The following CLASP1 variants were observed in gnomAD, a reference collection of about 807,000 sequenced individuals.
CLASP1 encodes cytoplasmic linker associated protein 1, also known as CLIP-associating protein 1.
Under a neutral mutation model 192.3 loss-of-function variants are expected in CLASP1, and 38 were observed. The ratio of observed to expected loss-of-function variants is 0.20; its 90% confidence interval spans 0.15 to 0.26. The LOEUF (loss-of-function observed/expected upper bound fraction) is 0.26. Ranked by LOEUF, CLASP1 falls within the 10% of genes least tolerant of loss-of-function variation. The pLI is 1.00. For missense variants in CLASP1, 1,433 were observed against 1,932.5 expected (o/e 0.74, Z 4.85); for synonymous variants, 691 against 712.8 (o/e 0.97, Z 0.49).
chr2:121,439,884 T>C (rs2082980451), intron 19 of CLASP1, among the ~76,000 whole-genome samples: 1 of 134,042 alleles, frequency 7.5e-6, no homozygotes, highest in Non-Finnish European at 1.5e-5. Flanking sequence ...AACTGAACAA[T>C]GAGATCACAT....
chr2:121,649,412 G>A (rs1452379592), exon 1 of CLASP1: 1 of 149,988 alleles, frequency 6.7e-6, no homozygotes, highest in Non-Finnish European at 1.5e-5. Context: ...GGACCAGAGA[G>A]CCGCCGCCTT....
chr2:121,535,207 C>G (rs1254348923), intron 2 of CLASP1, among the ~76,000 whole-genome samples: 1 of 152,206 alleles, frequency 6.6e-6, no homozygotes, highest in Non-Finnish European at 1.5e-5. Flanking sequence ...TCACTTGAGC[C>G]TGGGAGGCGG....
At chr2:121,629,724 G>A (rs887678072) in intron 1 of CLASP1, among the ~76,000 whole-genome samples, 11 of 152,028 alleles carry the variant, frequency 7.2e-5, no homozygotes, top group African/African-American at 2.7e-4. Flanking sequence ...CTGGGAGACA[G>A]AGGTTGCAGT....
chr2:121,401,750 C>G, intron 27 of CLASP1, 78 bp from the exon 29 acceptor site: 1 of 1,234,660 alleles, frequency 8.1e-7, no homozygotes, highest in South Asian at 1.2e-5. Context: ...ATTAAAAATG[C>G]CCATACGTGC....
chr2:121,412,709 T>C (rs1418249647), intron 23 of CLASP1, among the ~76,000 whole-genome samples: 1 of 152,226 alleles, frequency 6.6e-6, no homozygotes, highest in Non-Finnish European at 1.5e-5. Context: ...GCTTCCAAGA[T>C]GCATACAGCT....
intron 8 of CLASP1, among the ~76,000 whole-genome samples, chr2:121,478,927 A>C (rs2092261905): frequency 1.1e-4 from 4 of 34,846 alleles, no homozygotes; most frequent in Admixed American, 3.0e-4. Flanking sequence ...CACACACACC[A>C]CACAACACCC....
At chr2:121,478,937 C>G (rs2092266516) in intron 8 of CLASP1, among the ~76,000 whole-genome samples, 1 of 38,846 alleles carries the variant, frequency 2.6e-5, no homozygotes, top group African/African-American at 1.1e-4. Flanking sequence ...ACACAACACC[C>G]CCCACACACA....
At chr2:121,568,689 T>C (rs1186351908) in intron 2 of CLASP1, among the ~76,000 whole-genome samples, 1 of 152,080 alleles carries the variant, frequency 6.6e-6, no homozygotes, top group Non-Finnish European at 1.5e-5. Context: ...ACTCTAGAGT[T>C]TGGCTTTTCT....
At chr2:121,406,991 C>G (rs1374034181) in intron 25 of CLASP1, among the ~76,000 whole-genome samples, 1 of 152,076 alleles carries the variant, frequency 6.6e-6, no homozygotes, top group Non-Finnish European at 1.5e-5. Context: ...GCAAAGGCAG[C>G]CAGATCACGA....
intron 7 of CLASP1, chr2:121,513,199 T>TG (rs1163985897): frequency 1.3e-5 from 2 of 152,182 alleles, no homozygotes; most frequent in African/African-American, 2.4e-5. Context: ...CAAGGAAACT[T>TG]GAAGTTTCAG....
chr2:121,616,056 T>C (rs2066402879), intron 1 of CLASP1, among the ~76,000 whole-genome samples: 1 of 152,104 alleles, frequency 6.6e-6, no homozygotes, highest in African/African-American at 2.4e-5. Context: ...AAATCATAAA[T>C]AAGGAGTTCA....
At chr2:121,416,648 T>C (rs879328097) in intron 23 of CLASP1, among the ~76,000 whole-genome samples, 9 of 152,158 alleles carry the variant, frequency 5.9e-5, no homozygotes, top group Admixed American at 1.3e-4. Flanking sequence ...CAGAAACTTC[T>C]TCTAACCCCC....
intron 19 of CLASP1, among the ~76,000 whole-genome samples, chr2:121,438,339 G>GT (rs201777191): frequency 3.3e-5 from 5 of 152,054 alleles, no homozygotes; most frequent in African/African-American, 9.7e-5. Flanking sequence ...AAGATTAGGG[G>GT]TTTTTTTTCC....
chr2:121,396,922 G>A (rs746406005), intron 30 of CLASP1, among the ~76,000 whole-genome samples: 9 of 152,204 alleles, frequency 5.9e-5, no homozygotes, highest in Non-Finnish European at 1.2e-4. Context: ...AATATATAAA[G>A]TAGATGCCTG....
intron 2 of CLASP1, among the ~76,000 whole-genome samples, chr2:121,532,994 T>C (rs148337120): frequency 6.6e-6 from 1 of 152,348 alleles, no homozygotes; most frequent in Non-Finnish European, 1.5e-5. Context: ...GTGTTATTCA[T>C]GACAGAAACA....
chr2:121,511,226 T>C lies in CLASP1; in HGVS notation c.644+4439A>G, dbSNP rs1025214215. ...TCATAATATGAACTATATGTTGTCC[T>C]TACCAAAATTAAAATATGACTTTAT... On this transcript the variant is annotated intron_variant, in intron 7 of 39. Transcript: ENST00000263710. Among the ~76,000 whole-genome samples the C allele has an allele frequency of 2.6e-4, 39 of 152,212 alleles. 1 individual carries two copies.
At chr2:121,347,298 A>G (rs1286147097) in intron 38 of CLASP1, 144 bp from the exon 40 acceptor site, 2 of 621,012 alleles carry the variant, frequency 3.2e-6, no homozygotes, top group Non-Finnish European at 2.9e-6. Flanking sequence ...CAGCCCCGCA[A>G]TGGAATCCAG....
intron 6 of CLASP1, among the ~76,000 whole-genome samples, chr2:121,524,514 T>C (rs966908596): frequency 2.0e-5 from 3 of 152,122 alleles, no homozygotes; most frequent in South Asian, 2.1e-4. Context: ...TGGAATGCAG[T>C]GGCACGATCT....
At chr2:121,360,291 C>T (rs552568383) in intron 37 of CLASP1, among the ~76,000 whole-genome samples, 1 of 152,250 alleles carries the variant, frequency 6.6e-6, no homozygotes, top group South Asian at 2.1e-4. Flanking sequence ...AGAGAGCTAA[C>T]TTTGGGATAA....
Sources: gnomAD v4.1 joint callset for allele counts (sites outside exome capture counted in the v4.1 genomes callset) on GRCh38, gnomAD v4.1.1 for gene constraint, MANE v1.5 for transcripts, NCBI Gene and HGNC (gene_info 2026-07-23, HGNC 2026-07-21) for gene names.